The following ATP6V0A4 variants were observed in gnomAD, a reference collection of about 807,000 sequenced individuals.
ATP6V0A4 encodes V-type proton ATPase 116 kDa subunit a 4.
In ATP6V0A4, 86 loss-of-function variants were observed where a neutral mutation model predicts 107.3. The ratio of observed to expected loss-of-function variants is 0.80; its 90% confidence interval spans 0.67 to 0.96. The LOEUF (loss-of-function observed/expected upper bound fraction) is 0.96. Among genes scored for constraint, ATP6V0A4 ranks in the 40% least tolerant of loss-of-function variants. The probability of loss-of-function intolerance (pLI) is 0.00; values close to 1 mark genes in which losing one functional copy is unlikely to be tolerated. For missense variants in ATP6V0A4, 908 were observed against 1,045.6 expected (o/e 0.87, Z 1.81); for synonymous variants, 353 against 381.4 (o/e 0.93, Z 0.87).
At chr7:138,730,470 C>T (rs1325784639) in intron 17 of ATP6V0A4, among the ~76,000 whole-genome samples, 1 of 151,866 alleles carries the variant, frequency 6.6e-6, no homozygotes, top group Non-Finnish European at 1.5e-5. Context: ...AGCTGCATAA[C>T]CCCGAAATGA....
At chr7:138,743,179 C>T (rs1452121400) in intron 14 of ATP6V0A4, among the ~76,000 whole-genome samples, 2 of 151,960 alleles carry the variant, frequency 1.3e-5, no homozygotes, top group Non-Finnish European at 1.5e-5. Context: ...CAGGATTGGG[C>T]CGGGCGTGTG....
chr7:138,775,480 T>A (rs1807615150), intron 2 of ATP6V0A4, among the ~76,000 whole-genome samples: 1 of 152,034 alleles, frequency 6.6e-6, no homozygotes, highest in Admixed American at 6.6e-5. Context: ...GTCTGTGATT[T>A]GCATTTTTTT....
intron 13 of ATP6V0A4, among the ~76,000 whole-genome samples, chr7:138,745,962 A>AATATATATATATATATATATATATAT (rs1554396064): frequency 1.5e-5 from 1 of 65,680 alleles, no homozygotes; most frequent in African/African-American, 6.7e-5. Context: ...AAAAAAAAAA[A>AATATATATATATATATATATATATAT]ATATATATAT....
chr7:138,707,535 G>A (rs935771542), intron 21 of ATP6V0A4, among the ~76,000 whole-genome samples: 3 of 148,282 alleles, frequency 2.0e-5, no homozygotes, highest in Non-Finnish European at 4.4e-5. Context: ...CCGAGTAGCT[G>A]GGATTACAGA....
chr7:138,734,693 G>A (rs529748835), intron 15 of ATP6V0A4, among the ~76,000 whole-genome samples: 1 of 149,084 alleles, frequency 6.7e-6, no homozygotes, highest in African/African-American at 2.5e-5. Flanking sequence ...CAGGAGAACC[G>A]CTTGAACCTG....
At chr7:138,741,422 TG>T (rs1805629019) in intron 14 of ATP6V0A4, among the ~76,000 whole-genome samples, 1 of 152,138 alleles carries the variant, frequency 6.6e-6, no homozygotes, top group Non-Finnish European at 1.5e-5. Context: ...GAAGTGTTTG[TG>T]TGTTCATAAA....
chr7:138,759,012 A>G (rs1373721573), intron 8 of ATP6V0A4, among the ~76,000 whole-genome samples: 1 of 149,274 alleles, frequency 6.7e-6, no homozygotes, highest in Non-Finnish European at 1.5e-5. Flanking sequence ...CGGCCTCCCA[A>G]AGTGCTGGGA....
intron 14 of ATP6V0A4, among the ~76,000 whole-genome samples, chr7:138,744,788 C>T (rs1310323980): frequency 6.6e-6 from 1 of 152,086 alleles, no homozygotes; most frequent in Non-Finnish European, 1.5e-5. Context: ...CTGCAACCTC[C>T]GCCTCCCAGG....
intron 2 of ATP6V0A4, among the ~76,000 whole-genome samples, chr7:138,780,383 G>T (rs150581454): frequency 5.6e-4 from 85 of 152,290 alleles, no homozygotes; most frequent in African/African-American, 2.0e-3. Flanking sequence ...ACGACAGGAG[G>T]TGGAGGCTCA....
chr7:138,727,917 A>C (rs1804800557), intron 18 of ATP6V0A4, among the ~76,000 whole-genome samples: 1 of 152,174 alleles, frequency 6.6e-6, no homozygotes, highest in Admixed American at 6.6e-5. Context: ...TTTAGACAAA[A>C]AGAGAAAGTG....
chr7:138,797,058 C>T (rs1278582377), intron 1 of ATP6V0A4, among the ~76,000 whole-genome samples: 4 of 152,110 alleles, frequency 2.6e-5, no homozygotes, highest in Admixed American at 6.6e-5. Context: ...GGCTCACCTG[C>T]GCTTCTGGGT....
At chr7:138,763,158 TACAC>T (rs1399771444) in intron 5 of ATP6V0A4, 133 bp from the exon 6 acceptor site, 2 of 1,148,792 alleles carry the variant, frequency 1.7e-6, no homozygotes, top group Non-Finnish European at 1.2e-6. Context: ...CTAATACACA[TACAC>T]ACAGACACAC....
intron 10 of ATP6V0A4, among the ~76,000 whole-genome samples, chr7:138,754,305 A>G (rs1806396492): frequency 6.6e-6 from 1 of 151,898 alleles, no homozygotes; most frequent in Non-Finnish European, 1.5e-5. Context: ...AAAATTAGCC[A>G]GGCATGGTGG....
intron 12 of ATP6V0A4, 175 bp from the exon 13 acceptor site, chr7:138,747,739 C>T (rs1345292173): frequency 4.7e-6 from 5 of 1,057,880 alleles, no homozygotes; most frequent in Non-Finnish European, 6.7e-6. Context: ...ATGAGTGCAT[C>T]TGTTCCTAGG....
intron 1 of ATP6V0A4, among the ~76,000 whole-genome samples, chr7:138,788,624 G>A: frequency 6.6e-6 from 1 of 152,122 alleles, no homozygotes; most frequent in East Asian, 1.9e-4. Context: ...AAAGTCATAT[G>A]GTTTGGCTGT....
At chr7:138,734,542 C>T (rs909779880) in intron 15 of ATP6V0A4, among the ~76,000 whole-genome samples, 2 of 151,894 alleles carry the variant, frequency 1.3e-5, no homozygotes, top group African/African-American at 2.4e-5. Context: ...TCTGGGAGGC[C>T]GAGGCAGGTG....
chr7:138,739,625 A>C lies in ATP6V0A4; in HGVS notation c.1487T>G (p.Val496Gly), dbSNP rs1382029819. ...MFRNGTWNTHVMEESLYLQLD... is the reference protein window; with the variant it reads ...MFRNGTWNTHGMEESLYLQLD... ...CTGCAGATATAGACTTTCCTCCATT[A>C]CATGAGTACTTTAGAGGGAGAAAAG... The change falls in exon 15 of 22, where the codon GTA becomes GGA. Residue 496 changes from valine to glycine, a missense_variant. By Grantham distance (109) the Val-to-Gly change is moderately radical (BLOSUM62 -3). Transcript: ENST00000310018. The C allele has an allele frequency of 6.2e-7, 1 of 1,614,112 alleles. No individual in the cohort carries two copies. Among genetic ancestry groups the C allele is most frequent in the Admixed American group, 1.7e-5 (1 of 60,024 alleles).
intron 19 of ATP6V0A4, among the ~76,000 whole-genome samples, chr7:138,718,701 T>G (rs1363230778): frequency 1.7e-4 from 21 of 120,394 alleles, no homozygotes; most frequent in African/African-American, 1.9e-4. Flanking sequence ...CAGTCACGGA[T>G]GTCTGCGGAG....
intron 11 of ATP6V0A4, among the ~76,000 whole-genome samples, chr7:138,751,994 C>T (rs1211257905): frequency 6.6e-6 from 1 of 151,988 alleles, no homozygotes; most frequent in Admixed American, 6.6e-5. Flanking sequence ...GCCTGGGTGT[C>T]ATAGCGAGGT....
Sources: gnomAD v4.1 joint callset for allele counts (sites outside exome capture counted in the v4.1 genomes callset) on GRCh38, gnomAD v4.1.1 for gene constraint, MANE v1.5 for transcripts, NCBI Gene and HGNC (gene_info 2026-07-23, HGNC 2026-07-21) for gene names.